The following ANKRD17 variants were observed in gnomAD, a reference collection of about 807,000 sequenced individuals.
ANKRD17 encodes ankyrin repeat domain 17.
Under a neutral mutation model 229.7 loss-of-function variants are expected in ANKRD17, and 19 were observed. The observed-to-expected ratio is 0.08, with a 90% CI of 0.06 to 0.12. The LOEUF is 0.12. Among genes scored for constraint, ANKRD17 ranks in the 10% least tolerant of loss-of-function variants. ANKRD17 has a pLI of 1.00. For missense variants in ANKRD17, 2,176 were observed against 3,176.8 expected (o/e 0.68, Z 7.57); for synonymous variants, 1,112 against 1,146.1 (o/e 0.97, Z 0.60).
At chr4:73,227,281 G>A (rs756929273) in intron 1 of ANKRD17, among the ~76,000 whole-genome samples, 1 of 152,048 alleles carries the variant, frequency 6.6e-6, no homozygotes, top group Non-Finnish European at 1.5e-5. Context: ...AGCCTCCCGA[G>A]TAGCTGGGAT....
chr4:73,192,610 A>G (rs1737285364), intron 1 of ANKRD17, among the ~76,000 whole-genome samples: 1 of 152,140 alleles, frequency 6.6e-6, no homozygotes, highest in Admixed American at 6.5e-5. Flanking sequence ...TTAATGAGAA[A>G]AAACAACTTC....
At chr4:73,113,658 G>T in intron 24 of ANKRD17, 134 bp downstream of exon 24, 1 of 783,910 alleles carries the variant, frequency 1.3e-6, no homozygotes. Context: ...CACGATTTGA[G>T]CCAAATGTAG....
Position 73,102,533 on chromosome 4 carries a change from A to C in ANKRD17, c.4416T>G (p.Ser1472Arg). The C allele has an allele frequency of 1.9e-6, 3 of 1,598,452 alleles. No homozygotes were observed. Among genetic ancestry groups the C allele is most frequent in the Non-Finnish European group, 2.5e-6 (3 of 1,176,948 alleles). The change falls in exon 25 of 34, where the codon AGT (serine) becomes AGG (arginine). Residue 1472 changes from serine (S) to arginine (R), a missense_variant. Physicochemically the swap from Ser to Arg is moderately radical, Grantham distance 110. This residue lies in a region of ANKRD17 where 14 missense variants were observed against 36.1 expected (regional missense o/e 0.39). Transcript: ENST00000358602. ...ELDLEKLREESRRLALAAKRE... is the reference protein window; with the variant it reads ...ELDLEKLREERRRLALAAKRE... ...TTTTCGCAGCCAAAGCCAGCCTCCG[A>C]CTTTCTTCCCTTAACTGTTAAAGAT...
chr4:73,169,027 C>T (rs1283440401), intron 2 of ANKRD17: 4 of 152,156 alleles, frequency 2.6e-5, no homozygotes, highest in East Asian at 3.8e-4. Context: ...AATAACGTGG[C>T]ATTTGTTTTT....
rs11727957 is a variant in ANKRD17, at chr4:73,074,748, T to A, written c.*1483A>T. 0.35 allele frequency: 53,982 copies of A among 152,164 alleles called. 10,164 individuals carry two copies. Among genetic ancestry groups the A allele is most frequent in the South Asian group, 0.46 (2,199 of 4,816 alleles). 9.4% of individuals were successfully genotyped at this position (152,164 alleles called of 1,614,324 possible). On this transcript the variant is annotated 3_prime_UTR_variant, in exon 34 of 34. Transcript: ENST00000358602. ...TTTTTATGTTTTACCAGTGTGAAATTTTATGTCTAATTAAAAAAAAAGAAG... is the reference window on the plus strand; with the variant it reads ...TTTTTATGTTTTACCAGTGTGAAATATTATGTCTAATTAAAAAAAAAGAAG...
At chr4:73,217,271 T>G (rs1176819995) in intron 1 of ANKRD17, among the ~76,000 whole-genome samples, 1 of 152,202 alleles carries the variant, frequency 6.6e-6, no homozygotes, top group Non-Finnish European at 1.5e-5. Flanking sequence ...CCACAAGCTA[T>G]TTGGAGCCTC....
intron 2 of ANKRD17, among the ~76,000 whole-genome samples, chr4:73,163,780 C>T (rs1190253603): frequency 6.6e-6 from 1 of 152,112 alleles, no homozygotes; most frequent in Non-Finnish European, 1.5e-5. Flanking sequence ...CCATCTCTGC[C>T]TTTAAAATAT....
intron 15 of ANKRD17, among the ~76,000 whole-genome samples, chr4:73,138,183 C>T (rs1729152408): frequency 6.6e-6 from 1 of 152,080 alleles, no homozygotes; most frequent in Non-Finnish European, 1.5e-5. Flanking sequence ...TAAAAGTTTA[C>T]TCTCAATTAT....
intron 2 of ANKRD17, among the ~76,000 whole-genome samples, chr4:73,163,184 G>A (rs749012709): frequency 9.9e-5 from 15 of 152,086 alleles, no homozygotes; most frequent in Admixed American, 3.9e-4. Context: ...ATATATAGAT[G>A]CTGAGGTTTT....
At chr4:73,154,848 C>G (rs1241345828) in intron 5 of ANKRD17, among the ~76,000 whole-genome samples, 3 of 151,784 alleles carry the variant, frequency 2.0e-5, no homozygotes, top group African/African-American at 7.3e-5. Context: ...GAGACCATCC[C>G]GGCTAAAACG....
At chr4:73,146,672 A>G (rs1393289768) in intron 10 of ANKRD17, 92 bp downstream of exon 10, 2 of 876,212 alleles carry the variant, frequency 2.3e-6, no homozygotes, top group Non-Finnish European at 3.3e-6. Context: ...ATAAAACTGA[A>G]GGTAAAGAAA....
chr4:73,173,817 C>G (rs1474647619), intron 2 of ANKRD17, among the ~76,000 whole-genome samples: 1 of 152,126 alleles, frequency 6.6e-6, no homozygotes, highest in Admixed American at 6.5e-5. Context: ...CAGTCTCCAG[C>G]TCGAGCCCAG....
chr4:73,098,181 T>C lies in ANKRD17; in HGVS notation c.4913A>G (p.His1638Arg), dbSNP rs775522062. 4 of 1,614,218 alleles carry C rather than the reference T, an allele frequency of 2.5e-6. No individual in the cohort carries two copies. The East Asian group carries it at 8.9e-5, about 36-fold the overall frequency. The change falls in exon 26 of 34, where the codon CAT (histidine) becomes CGT (arginine). Residue 1638 changes from histidine (H) to arginine (R), a missense_variant. By Grantham distance (29) the His-to-Arg change is conservative. Around this residue, in one of 18 missense-constraint regions of ANKRD17, gnomAD observed 98 missense variants for 101.0 expected, o/e 0.97. Transcript: ENST00000358602. ...NSNSSRKSDN[H>R]SPAVVTTTVS... ...AGTGGTAGTGACCACAGCTGGTGAA[T>C]GATTGTCACTCTTACGACTGCTGTT...
chr4:73,084,867 G>A (rs1472801489), intron 30 of ANKRD17, among the ~76,000 whole-genome samples: 1 of 152,038 alleles, frequency 6.6e-6, no homozygotes, highest in Non-Finnish European at 1.5e-5. Context: ...ACAGGTACAA[G>A]GATTAATTTT....
chr4:73,092,883 G>T (rs1191050726), intron 28 of ANKRD17, among the ~76,000 whole-genome samples: 1 of 152,164 alleles, frequency 6.6e-6, no homozygotes, highest in East Asian at 1.9e-4. Context: ...TTAAAATGAT[G>T]CAGGAATCCT....
chr4:73,235,155 C>T (rs1414623463), intron 1 of ANKRD17, among the ~76,000 whole-genome samples: 10 of 152,156 alleles, frequency 6.6e-5, no homozygotes, highest in Non-Finnish European at 1.2e-4. Context: ...ACAACATCAT[C>T]CCTCTTTTTT....
intron 1 of ANKRD17, among the ~76,000 whole-genome samples, chr4:73,210,846 A>C (rs1740152114): frequency 6.6e-6 from 1 of 151,936 alleles, no homozygotes. Flanking sequence ...GGACTATGCA[A>C]ATCTCAAAAT....
chr4:73,258,413 T>G lies in ANKRD17; in HGVS notation c.256A>C (p.Ser86Arg). Residue 86 changes from serine (S) to arginine (R), a missense_variant, in exon 1 of 34, where the codon AGC (serine) becomes CGC (arginine). This residue lies in a region of ANKRD17 where 196 missense variants were observed against 190.0 expected (regional missense o/e 1.03). Transcript: ENST00000358602. ...RNRTCRPPSS[S>R]ESSSDSDNSG... is the part of the protein sequence containing the mutation. ...TTGTCGCTGTCGCTGCTGCTTTCGC[T>G]GCTGCTGGGGGGTCGGCAAGTCCGG... 2 of 1,610,610 alleles carry G rather than the reference T, an allele frequency of 1.2e-6. No homozygotes were observed. The highest frequency in any genetic ancestry group is 1.7e-6 in the Non-Finnish European group (2 of 1,179,354).
At chr4:73,216,695 T>A (rs1281791912) in intron 1 of ANKRD17, among the ~76,000 whole-genome samples, 1 of 152,198 alleles carries the variant, frequency 6.6e-6, no homozygotes, top group Non-Finnish European at 1.5e-5. Flanking sequence ...ACACTCCCTC[T>A]CTATATATAA....
Sources: allele counts gnomAD v4.1 joint callset (sites outside exome capture counted in the v4.1 genomes callset), GRCh38; gene constraint gnomAD v4.1.1; regional missense constraint gnomAD v4.1.1; transcripts MANE v1.5; gene names NCBI Gene and HGNC (gene_info 2026-07-23, HGNC 2026-07-21).